The following EXPH5 variants were observed in gnomAD, a reference collection of about 807,000 sequenced individuals.
The protein encoded by EXPH5 is exophilin-5.
A neutral mutation model predicts 41.1 loss-of-function variants in EXPH5; 42 were observed. The ratio of observed to expected loss-of-function variants is 1.02; its 90% CI spans 0.80 to 1.32. The LOEUF (loss-of-function observed/expected upper bound fraction) is 1.32. Among genes scored for constraint, EXPH5 ranks in the 40% most tolerant of loss-of-function variants. The pLI, the probability that EXPH5 is intolerant of heterozygous loss-of-function variation, is 0.00. For synonymous variants in EXPH5, 798 were observed against 833.5 expected, an observed-to-expected ratio of 0.96 and a Z score of 0.73; for missense variants, 2,298 against 2,314.5, an observed-to-expected ratio of 0.99 and a Z score of 0.15.
Position 108,510,549 on chromosome 11 carries a change from G to C in EXPH5, c.4958C>G (p.Ser1653Cys), listed in dbSNP as rs2093672050. ...FPEPTPKSAE[S>C]IGESRLSENG... ...CTCACTCAACCTGCTTTCGCCAATG[G>C]ACTCTGCAGATTTTGGAGTAGGCTC... Residue 1653 changes from serine (S) to cysteine (C), a missense_variant, in exon 6 of 6, where the codon TCC becomes TGC. Transcript: ENST00000265843. The C allele has an allele frequency of 6.2e-7, 1 of 1,614,014 alleles. No homozygotes were observed. Among genetic ancestry groups the C allele is most frequent in the African/African-American group, 1.3e-5 (1 of 74,898 alleles).
At chr11:108,591,287 G>C (rs2094127026) in intron 1 of EXPH5, among the ~76,000 whole-genome samples, 1 of 152,178 alleles carries the variant, frequency 6.6e-6, no homozygotes, top group Non-Finnish European at 1.5e-5. Context: ...TCAAGAAAAT[G>C]AGCAGAAGAG....
chr11:108,523,278 GA>G (rs1452852867), intron 4 of EXPH5, among the ~76,000 whole-genome samples: 29 of 152,044 alleles, frequency 1.9e-4, no homozygotes, highest in African/African-American at 7.0e-4. Context: ...AATTAAGTAG[GA>G]ATTATCATTC....
intron 1 of EXPH5, among the ~76,000 whole-genome samples, chr11:108,561,691 C>T (rs2094012314): frequency 6.6e-6 from 1 of 152,204 alleles, no homozygotes; most frequent in South Asian, 2.1e-4. Flanking sequence ...TGATTAACAA[C>T]TTAATAACGT....
At chr11:108,598,352 A>G (rs2094141563), upstream of EXPH5, among the ~76,000 whole-genome samples, 1 of 152,220 alleles carries the variant, frequency 6.6e-6, no homozygotes, top group African/African-American at 2.4e-5. Context: ...TGTTATGGGC[A>G]TGTAGTATTT....
At chr11:108,522,104 C>T (rs1421759250) in intron 4 of EXPH5, among the ~76,000 whole-genome samples, 1 of 151,910 alleles carries the variant, frequency 6.6e-6, no homozygotes, top group African/African-American at 2.4e-5. Context: ...TTTCAACACA[C>T]AGAGATGTAA....
intron 1 of EXPH5, among the ~76,000 whole-genome samples, chr11:108,551,534 C>T (rs1490178630): frequency 6.6e-6 from 1 of 152,084 alleles, no homozygotes; most frequent in African/African-American, 2.4e-5. Context: ...TGACATTTCT[C>T]CTTCACTTTT....
At chr11:108,582,643 A>G (rs1008981483) in intron 1 of EXPH5, among the ~76,000 whole-genome samples, 2 of 152,186 alleles carry the variant, frequency 1.3e-5, no homozygotes, top group African/African-American at 4.8e-5. Flanking sequence ...TTCTCAGGCT[A>G]CCCCAATAAA....
Position 108,555,685 on chromosome 11 carries a change from C to T in EXPH5, c.120-13873G>A, listed in dbSNP as rs527905338. ...GGTGATTAGATCATGGGGGCGGTTT[C>T]CCTATGCTGTTCTCATGATAGTGAA... On this transcript the variant is annotated intron_variant, in intron 1 of 5. Transcript: ENST00000265843. Among the ~76,000 whole-genome samples the T allele has an allele frequency of 2.0e-5, 3 of 152,266 alleles. No individual in the cohort carries two copies. The South Asian group carries it at 6.2e-4, about 32-fold the overall frequency.
rs1484269684 is a variant in EXPH5 at position 108,514,473 on chromosome 11, G to A, written c.1034C>T (p.Pro345Leu). The A allele has an allele frequency of 2.5e-6, 4 of 1,613,148 alleles. No individual in the cohort carries two copies. The highest frequency in any genetic ancestry group is 1.7e-6 in the Non-Finnish European group (2 of 1,179,608). The change falls in exon 6 of 6, where the codon CCA becomes CTA. Residue 345 changes from proline (P) to leucine (L), a missense_variant. By Grantham distance (98) the Pro-to-Leu change is moderately conservative. Coordinates refer to ENST00000265843, the MANE Select transcript of EXPH5 (RefSeq NM_015065.3). ...GHFTARSLHF[P>L]ATTQSKSGFI... ...CCCACTCTTGCTCTGAGTTGTGGCT[G>A]GAAAATGTAAGCTTCTTGCTGTGAA...
At chr11:108,605,433 G>A in the EXPH5 span, among the ~76,000 whole-genome samples, 1 of 152,208 alleles carries the variant, frequency 6.6e-6, no homozygotes, top group African/African-American at 2.4e-5. Flanking sequence ...AGCTGATTTT[G>A]TCCCTTGGGG....
intron 3 of EXPH5, chr11:108,538,319 T>C: frequency 1.1e-6 from 1 of 889,782 alleles, no homozygotes; most frequent in Non-Finnish European, 1.3e-6. Flanking sequence ...CGAAAATATT[T>C]AGCAGTCAGC....
intron 1 of EXPH5, among the ~76,000 whole-genome samples, chr11:108,573,143 A>G (rs748566606): frequency 1.9e-4 from 19 of 98,354 alleles, no homozygotes; most frequent in African/African-American, 8.0e-4. Flanking sequence ...AAAGAAGGAA[A>G]GAAAGAAAGA....
chr11:108,547,939 A>G lies in EXPH5; in HGVS notation c.120-6127T>C, dbSNP rs1591723444. ...AGCCTGGCCAACATGGCGAAACACC[A>G]TCTCTACTAAAAATACAAAATTAGC... On this transcript the variant is annotated intron_variant, in intron 1 of 5. Transcript: ENST00000265843. Among the ~76,000 whole-genome samples, 3 of 151,922 alleles carry G rather than the reference A, an allele frequency of 2.0e-5. No individual in the cohort carries two copies. In the East Asian group the frequency reaches 5.8e-4, roughly 29 times the overall value.
At position 108,547,563 on chromosome 11, in the gene EXPH5, A is replaced by C. The variant is rs185042814; in HGVS notation, c.120-5751T>G. 2.0e-5 allele frequency among the ~76,000 whole-genome samples: 3 copies of C among 152,144 alleles called. No homozygotes were observed. In the East Asian group the frequency reaches 5.8e-4, roughly 29 times the overall value. On this transcript the variant is annotated intron_variant, in intron 1 of 5. Transcript: ENST00000265843. ...CTACCAAAATAACTGTACCAATATCACTTATGCCAGCAATGTACAAGTCTG... is the reference window on the plus strand; with the variant it reads ...CTACCAAAATAACTGTACCAATATCCCTTATGCCAGCAATGTACAAGTCTG...
intron 3 of EXPH5, among the ~76,000 whole-genome samples, chr11:108,536,116 T>C (rs1388395484): frequency 2.0e-5 from 3 of 152,334 alleles, no homozygotes; most frequent in East Asian, 1.9e-4. Context: ...TAGGAATGTA[T>C]ACATTAAAAC....
intron 1 of EXPH5, among the ~76,000 whole-genome samples, chr11:108,571,677 T>C (rs1375411025): frequency 6.6e-6 from 1 of 152,148 alleles, no homozygotes; most frequent in African/African-American, 2.4e-5. Flanking sequence ...TCCCCTCAAA[T>C]ATGTACAATC....
intron 1 of EXPH5, among the ~76,000 whole-genome samples, chr11:108,554,047 G>GAATGT (rs765779788): frequency 3.6e-4 from 55 of 150,954 alleles, no homozygotes; most frequent in Non-Finnish European, 7.1e-4. Context: ...TTCCTGGGAT[G>GAATGT]AATGTGGCCC....
chr11:108,513,806 A>G lies in EXPH5; in HGVS notation c.1701T>C (p.His567=). Residue 567 remains histidine, a synonymous_variant, in exon 6 of 6, where the codon CAT becomes CAC. Transcript: ENST00000265843. ...RSTLDSMVVS[H]GNETQLTPHF... is the part of the protein sequence containing the mutation. ...GAGGAGTCAACTGGGTCTCATTACC[A>G]TGTGATACCACCATGCTATCCAGTG... is the stretch of plus-strand genomic sequence containing the variant. 6.2e-7 allele frequency: 1 copy of G among 1,601,544 alleles called. No homozygotes were observed. The highest frequency in any genetic ancestry group is 1.1e-5 in the South Asian group (1 of 87,820).
rs774643953 is a variant in EXPH5 at position 108,513,528 on chromosome 11, T to G, written c.1979A>C (p.Lys660Thr). ...TVTLQKIFPN[K>T]PASHPMRSHT... is the part of the protein sequence containing the mutation. ...GCTTCTCATTGGATGAGAGGCAGGC[T>G]TATTTGGAAAAATTTTCTGCAAAGT... Residue 660 changes from lysine (K) to threonine (T), a missense_variant, in exon 6 of 6, where the codon AAG (lysine) becomes ACG (threonine). Coordinates refer to ENST00000265843, the MANE Select transcript of EXPH5 (RefSeq NM_015065.3). The G allele has an allele frequency of 6.2e-7, 1 of 1,614,238 alleles. No homozygotes were observed. Among genetic ancestry groups the G allele is most frequent in the Admixed American group, 1.7e-5 (1 of 60,030 alleles).
Sources: gnomAD v4.1 joint callset for allele counts (sites outside exome capture counted in the v4.1 genomes callset) on GRCh38, gnomAD v4.1.1 for gene constraint, MANE v1.5 for transcripts, NCBI Gene and HGNC (gene_info 2026-07-23, HGNC 2026-07-21) for gene names.